The following KDM7A variants were observed in gnomAD, a reference collection of about 807,000 sequenced individuals.
KDM7A encodes lysine demethylase 7A, also known as lysine-specific demethylase 7A.
KDM7A carries 28 observed loss-of-function variants against 114.8 expected under a neutral mutation model. The ratio of observed to expected loss-of-function variants is 0.24; its 90% CI spans 0.18 to 0.33. The LOEUF is 0.33. Ranked by LOEUF, KDM7A falls within the 10% of genes least tolerant of loss-of-function variation. KDM7A has a pLI of 1.00. For missense variants in KDM7A, 942 were observed against 1,142.5 expected (o/e 0.82, Z 2.53); for synonymous variants, 423 against 397.8 (o/e 1.06, Z -0.75).
Position 140,095,109 on chromosome 7 carries a change from A to AAGTGCTGGGATT in KDM7A, c.2375-983_2375-972dup, listed in dbSNP as rs1379819467. ...GTGATCCGCCCACCTCGGCCTCCCA[A>AAGTGCTGGGATT]AGTGCTGGGATTACTGGCGTGAACC... On this transcript the variant is annotated intron_variant, in intron 17 of 19. Transcript: ENST00000397560. 8.5e-5 allele frequency among the ~76,000 whole-genome samples: 13 copies of AAGTGCTGGGATT among 152,306 alleles called. No individual in the cohort carries two copies. In the East Asian group the frequency reaches 2.1e-3, roughly 25 times the overall value.
chr7:140,097,777 T>C, intron 14 of KDM7A, 135 bp from the exon 15 acceptor site: 1 of 555,548 alleles, frequency 1.8e-6, no homozygotes. Context: ...TTTTTCACTT[T>C]TATTTTCTTC....
In KDM7A at chr7:140,089,389, T is replaced by G. The variant is rs1438390884; in HGVS notation, c.*1705A>C. 2 of 152,216 alleles carry G rather than the reference T, an allele frequency of 1.3e-5. No homozygotes were observed. Among genetic ancestry groups the G allele is most frequent in the African/African-American group, 2.4e-5 (1 of 41,452 alleles). 9.4% of individuals were successfully genotyped at this position (152,216 alleles called of 1,614,324 possible). The stretch of plus-strand genomic sequence containing the variant: ...GTATTTCTCTTTGAAAATATACATT[T>G]GAATGCAACCATGAAAGATGATGGT... On this transcript the variant is annotated 3_prime_UTR_variant, in exon 20 of 20. Transcript: ENST00000397560.
chr7:140,121,692 T>C (rs1403406551), intron 7 of KDM7A, among the ~76,000 whole-genome samples: 2 of 152,320 alleles, frequency 1.3e-5, no homozygotes, highest in Non-Finnish European at 2.9e-5. Context: ...CAAAATGAAA[T>C]TGTCCTGCAT....
At chr7:140,107,579 C>T (rs987426133) in intron 11 of KDM7A, among the ~76,000 whole-genome samples, 1 of 152,134 alleles carries the variant, frequency 6.6e-6, no homozygotes, top group Admixed American at 6.5e-5. Context: ...TTGTTTTCTT[C>T]AAGAATGTTG....
At chr7:140,172,857 T>C (rs1388734205) in intron 1 of KDM7A, among the ~76,000 whole-genome samples, 5 of 152,070 alleles carry the variant, frequency 3.3e-5, no homozygotes, top group Admixed American at 3.3e-4. Flanking sequence ...AGAATATACA[T>C]ATACACATAC....
At chr7:140,143,053 C>G (rs936037123) in intron 1 of KDM7A, among the ~76,000 whole-genome samples, 15 of 151,448 alleles carry the variant, frequency 9.9e-5, no homozygotes, top group Non-Finnish European at 2.2e-4. Flanking sequence ...TGGTGGTGGG[C>G]GCCTGTAGTC....
In KDM7A at chr7:140,100,701, T is replaced by C. The variant is rs1349627596; in HGVS notation, c.1639-678A>G. 1.1e-4 allele frequency among the ~76,000 whole-genome samples: 4 copies of C among 36,462 alleles called. No homozygotes were observed. In the South Asian group the frequency reaches 2.8e-3, roughly 26 times the overall value. 23.9% of individuals were successfully genotyped at this position (36,462 alleles called of 152,430 possible). ...ATATACATATATACATATATATATA[T>C]ATATATACACATATATATATATATA... On this transcript the variant is annotated intron_variant, in intron 12 of 19. Transcript: ENST00000397560.
chr7:140,160,896 A>G (rs746517033), intron 1 of KDM7A, among the ~76,000 whole-genome samples: 8 of 152,212 alleles, frequency 5.3e-5, no homozygotes, highest in Non-Finnish European at 1.0e-4. Flanking sequence ...TCCCTGAACC[A>G]AACAGAAGGG....
intron 9 of KDM7A, among the ~76,000 whole-genome samples, chr7:140,114,513 C>A (rs1354540142): frequency 1.3e-5 from 2 of 151,972 alleles, no homozygotes; most frequent in East Asian, 3.9e-4. Flanking sequence ...GATCTCGGCT[C>A]GCTACAACCT....
intron 6 of KDM7A, among the ~76,000 whole-genome samples, chr7:140,126,220 T>C (rs563431664): frequency 1.3e-5 from 2 of 152,190 alleles, no homozygotes; most frequent in Non-Finnish European, 2.9e-5. Flanking sequence ...CAAGAACTGG[T>C]ATTTTTATAG....
At chr7:140,168,169 G>T (rs1440168957) in intron 1 of KDM7A, among the ~76,000 whole-genome samples, 1 of 152,158 alleles carries the variant, frequency 6.6e-6, no homozygotes, top group East Asian at 1.9e-4. Flanking sequence ...ATGCAAACTG[G>T]TCCAACCATT....
At chr7:140,116,998 A>C (rs1009764700) in intron 9 of KDM7A, among the ~76,000 whole-genome samples, 2 of 152,214 alleles carry the variant, frequency 1.3e-5, no homozygotes, top group Non-Finnish European at 2.9e-5. Flanking sequence ...ATGTAAAGTA[A>C]AAAGGTTACG....
chr7:140,149,636 A>G (rs910776132), intron 1 of KDM7A, among the ~76,000 whole-genome samples: 8 of 152,356 alleles, frequency 5.3e-5, no homozygotes, highest in African/African-American at 1.9e-4. Flanking sequence ...CACAGACTAA[A>G]GAAATTAGGA....
At chr7:140,123,723 T>C (rs1818651774) in intron 7 of KDM7A, among the ~76,000 whole-genome samples, 1 of 152,110 alleles carries the variant, frequency 6.6e-6, no homozygotes, top group Admixed American at 6.5e-5. Flanking sequence ...TATCCCACAA[T>C]GGAACATTAC....
chr7:140,158,156 G>A (rs561648312), intron 1 of KDM7A, among the ~76,000 whole-genome samples: 6 of 152,200 alleles, frequency 3.9e-5, no homozygotes, highest in African/African-American at 1.4e-4. Context: ...AAGAAATTGT[G>A]GCAATGAGCA....
chr7:140,120,958 T>A (rs554028923), intron 7 of KDM7A, among the ~76,000 whole-genome samples: 10 of 152,320 alleles, frequency 6.6e-5, no homozygotes, highest in Admixed American at 5.9e-4. Context: ...TTAAAGATTT[T>A]ACTCTTTGAG....
intron 1 of KDM7A, among the ~76,000 whole-genome samples, chr7:140,151,729 T>C (rs1245451387): frequency 6.6e-6 from 1 of 152,208 alleles, no homozygotes. Flanking sequence ...CCTATCTTAA[T>C]CTGACATTTG....
At chr7:140,122,712 C>G (rs1585150338) in intron 7 of KDM7A, among the ~76,000 whole-genome samples, 1 of 152,162 alleles carries the variant, frequency 6.6e-6, no homozygotes, top group Non-Finnish European at 1.5e-5. Context: ...AGGCCTGATA[C>G]CTATACTTGA....
Position 140,152,210 on chromosome 7 carries a change from T to C in KDM7A, c.195-13020A>G, listed in dbSNP as rs528728724. 4.1e-3 allele frequency among the ~76,000 whole-genome samples: 623 copies of C among 152,294 alleles called. 6 individuals are homozygous for C. The highest frequency in any genetic ancestry group is 7.6e-3 in the Admixed American group (116 of 15,302). On this transcript the variant is annotated intron_variant, in intron 1 of 19. Transcript: ENST00000397560. ...TCTAAGGAGAACTTAATATCCTTAGTATGCTTTTTCATTCTTGATGAAAGA... is the reference window on the plus strand; with the variant it reads ...TCTAAGGAGAACTTAATATCCTTAGCATGCTTTTTCATTCTTGATGAAAGA...
Sources: allele counts gnomAD v4.1 joint callset (sites outside exome capture counted in the v4.1 genomes callset), GRCh38; gene constraint gnomAD v4.1.1; transcripts MANE v1.5; gene names NCBI Gene and HGNC (gene_info 2026-07-23, HGNC 2026-07-21).